The following LSM4 variants were observed in gnomAD, a reference collection of about 807,000 sequenced individuals.
The protein encoded by LSM4 is LSM4 homolog, U6 small nuclear RNA and mRNA degradation associated.
Under a neutral mutation model 22.3 loss-of-function variants are expected in LSM4, and 15 were observed. That is an observed-to-expected ratio of 0.67 (90% CI 0.45 to 1.03). The LOEUF is 1.03. Among genes scored for constraint, LSM4 ranks in the 50% least tolerant of loss-of-function variants. LSM4 has a pLI of 0.00. For missense variants in LSM4, 127 were observed against 198.0 expected, an observed-to-expected ratio of 0.64 and a Z score of 2.15; for synonymous variants, 90 against 79.8, an observed-to-expected ratio of 1.13 and a Z score of -0.68.
Position 18,316,011 on chromosome 19 carries a change from A to G in LSM4, c.45+13T>C. On this transcript the variant is annotated intron_variant, in intron 2 of 4. Transcript: ENST00000593829. The stretch of plus-strand genomic sequence containing the variant: ...CCTCTCAAACAGGCTTTCCCAGACC[A>G]CTGAGTACTCACCATGGGGTGATTC... 6.2e-7 allele frequency: 1 copy of G among 1,613,076 alleles called. No homozygotes were observed. Among genetic ancestry groups the G allele is most frequent in the Non-Finnish European group, 8.5e-7 (1 of 1,179,438 alleles).
At chr19:18,312,920 C>A (rs1453790383) in intron 2 of LSM4, among the ~76,000 whole-genome samples, 1 of 152,186 alleles carries the variant, frequency 6.6e-6, no homozygotes, top group Non-Finnish European at 1.5e-5. Flanking sequence ...AACCTTTGTG[C>A]AATTAAAAAA....
intron 1 of LSM4, among the ~76,000 whole-genome samples, chr19:18,322,270 T>C (rs1001387320): frequency 4.6e-5 from 7 of 152,282 alleles, no homozygotes; most frequent in African/African-American, 1.7e-4. Flanking sequence ...CAGAAGCTGA[T>C]GGGCCAGGAA....
intron 2 of LSM4, among the ~76,000 whole-genome samples, chr19:18,313,544 G>T (rs1430195949): frequency 6.6e-6 from 1 of 152,216 alleles, no homozygotes; most frequent in Non-Finnish European, 1.5e-5. Context: ...ATGAGACAGG[G>T]TCTTGCTCTG....
intron 3 of LSM4, chr19:18,310,121 G>A: frequency 2.0e-6 from 1 of 498,502 alleles, no homozygotes; most frequent in Non-Finnish European, 3.5e-6. Context: ...AGGAAGACTG[G>A]CTCCTATCCT....
Position 18,309,817 on chromosome 19 carries a change from G to T in LSM4, c.189C>A (p.Gly63=). The change falls in exon 4 of 5, where the codon GGC becomes GGA. Residue 63 remains glycine, a synonymous_variant. Transcript: ENST00000593829. ...GGATGCGCAGGTACTTGATGGTGCT[G>T]CCGCGGATGTAGCACTCGGGCATCC... ...FWRMPECYIR[G]STIKYLRIPD... The T allele has an allele frequency of 6.2e-7, 1 of 1,613,830 alleles. No homozygotes were observed. Among genetic ancestry groups the T allele is most frequent in the Non-Finnish European group, 8.5e-7 (1 of 1,179,904 alleles).
chr19:18,316,316 T>G, intron 1 of LSM4: 2 of 399,874 alleles, frequency 5.0e-6, no homozygotes, highest in Non-Finnish European at 4.6e-6. Context: ...CACCTGCTCT[T>G]GGTGCTGAAC....
In LSM4 at chr19:18,309,797, C is replaced by T. The variant is rs760697591; in HGVS notation, c.209G>A (p.Arg70His). ...CATGTCGATGATCTCGTCGGGGATG[C>T]GCAGGTACTTGATGGTGCTGCCGCG... Reference protein sequence around the residue: ...YIRGSTIKYLRIPDEIIDMVK... With the variant: ...YIRGSTIKYLHIPDEIIDMVK... The change falls in exon 4 of 5, where the codon CGC becomes CAC. Residue 70 changes from arginine to histidine, a missense_variant. Transcript: ENST00000593829. The T allele has an allele frequency of 1.2e-6, 2 of 1,613,934 alleles. No homozygotes were observed. The highest frequency in any genetic ancestry group is 1.7e-5 in the Admixed American group (1 of 59,992).
chr19:18,320,293 A>G (rs1023737090), intron 1 of LSM4, among the ~76,000 whole-genome samples: 2 of 152,152 alleles, frequency 1.3e-5, no homozygotes. Flanking sequence ...GGATCGCTTG[A>G]GCCCAGGAGT....
intron 2 of LSM4, 59 bp downstream of exon 2, chr19:18,315,965 C>A (rs1002102279): frequency 6.4e-7 from 1 of 1,554,376 alleles, no homozygotes; most frequent in Non-Finnish European, 8.8e-7. Context: ...TCAGCCACCG[C>A]CCCTGTGCTG....
intron 1 of LSM4, among the ~76,000 whole-genome samples, chr19:18,321,630 G>A (rs901326707): frequency 2.0e-5 from 3 of 152,290 alleles, no homozygotes; most frequent in South Asian, 4.1e-4. Flanking sequence ...TACCATTTAG[G>A]TAACTTCAGC....
In LSM4 at chr19:18,312,604, C is replaced by G; in HGVS notation, c.144G>C (p.Arg48Ser). The change falls in exon 3 of 5, where the codon AGG becomes AGC. Residue 48 changes from arginine (R) to serine (S), a missense_variant and splice_region_variant. Arg to Ser is a moderately radical substitution (Grantham distance 110). Coordinates refer to ENST00000593829, the MANE Select transcript of LSM4 (RefSeq NM_012321.5). ...CCCCGTTGGTGGGTGCAGCACCCAC[C>G]CTGGACGTGCAGATGACTTCTCGCA... ...INLREVICTSRDGDKFWRMPE... is the reference protein window; with the variant it reads ...INLREVICTSSDGDKFWRMPE... 6.2e-7 allele frequency: 1 copy of G among 1,613,634 alleles called. No individual in the cohort carries two copies. The highest frequency in any genetic ancestry group is 8.5e-7 in the Non-Finnish European group (1 of 1,179,650).
intron 1 of LSM4, 65 bp downstream of exon 1, chr19:18,322,953 C>T: frequency 1.9e-6 from 3 of 1,579,932 alleles, no homozygotes; most frequent in Non-Finnish European, 2.6e-6. Flanking sequence ...AGCGCCCGCC[C>T]GCAGGGATCC....
At chr19:18,322,160 G>A (rs1195254157) in intron 1 of LSM4, among the ~76,000 whole-genome samples, 1 of 152,036 alleles carries the variant, frequency 6.6e-6, no homozygotes, top group Non-Finnish European at 1.5e-5. Flanking sequence ...AGCCACCCCT[G>A]GGGGACCCTC....
intron 3 of LSM4, among the ~76,000 whole-genome samples, chr19:18,311,930 G>C (rs932138980): frequency 2.6e-5 from 4 of 152,206 alleles, no homozygotes; most frequent in Non-Finnish European, 4.4e-5. Context: ...ACCATGGGGG[G>C]CTGTCACCCA....
At chr19:18,316,336 A>AT (rs1970356479) in intron 1 of LSM4, 8 of 236,522 alleles carry the variant, frequency 3.4e-5, no homozygotes, top group South Asian at 1.6e-4. Flanking sequence ...CACTCTGGTC[A>AT]ATTTTTTTTT....
At chr19:18,318,111 T>A (rs1970379523) in intron 1 of LSM4, among the ~76,000 whole-genome samples, 2 of 152,160 alleles carry the variant, frequency 1.3e-5, no homozygotes, top group African/African-American at 4.8e-5. Flanking sequence ...GTGACTGGAA[T>A]TCCAGGTGGC....
At chr19:18,318,372 C>T (rs1270011019) in intron 1 of LSM4, among the ~76,000 whole-genome samples, 1 of 152,236 alleles carries the variant, frequency 6.6e-6, no homozygotes, top group African/African-American at 2.4e-5. Flanking sequence ...CCCAAGCCCA[C>T]TTCCTGCACC....
chr19:18,311,071 C>T (rs1183134296), intron 3 of LSM4, among the ~76,000 whole-genome samples: 1 of 152,186 alleles, frequency 6.6e-6, no homozygotes, highest in Non-Finnish European at 1.5e-5. Context: ...TTTGGGTGCT[C>T]ACTCTCCCAG....
chr19:18,315,742 G>C (rs369033438), intron 2 of LSM4, among the ~76,000 whole-genome samples: 14 of 151,866 alleles, frequency 9.2e-5, no homozygotes, highest in African/African-American at 3.4e-4. Flanking sequence ...GGCTGATCTC[G>C]AACTCCTGAG....
Sources: allele counts gnomAD v4.1 joint callset (sites outside exome capture counted in the v4.1 genomes callset), GRCh38; gene constraint gnomAD v4.1.1; transcripts MANE v1.5; gene names NCBI Gene and HGNC (gene_info 2026-07-23, HGNC 2026-07-21).